TNRC6C: variants seen among roughly 807,000 people sequenced by gnomAD.
The protein encoded by TNRC6C is trinucleotide repeat-containing gene 6C protein.
TNRC6C carries 20 observed loss-of-function variants against 153.7 expected under a neutral mutation model. That is an observed-to-expected ratio of 0.13 (90% CI 0.09 to 0.19). TNRC6C has a LOEUF of 0.19. TNRC6C is among the 10% of genes least tolerant of loss of function. The pLI is 1.00. For synonymous variants in TNRC6C, 811 were observed against 841.4 expected, an observed-to-expected ratio of 0.96 and a Z score of 0.63; for missense variants, 1,987 against 2,172.0, an observed-to-expected ratio of 0.91 and a Z score of 1.69.
chr17:78,072,867 C>T (rs550249462), intron 6 of TNRC6C, among the ~76,000 whole-genome samples, 170 bp from the exon 9 acceptor site: 63 of 152,230 alleles, frequency 4.1e-4, no homozygotes, highest in African/African-American at 1.4e-3. Flanking sequence ...TTTCTTATTA[C>T]AAGTATTTTT....
At position 78,012,455 on chromosome 17, in the gene TNRC6C, C is replaced by CTGTGTAACAAACCTTCA. The variant is rs559948842; in HGVS notation, c.-546+7378_-546+7394dup. Among the ~76,000 whole-genome samples, 372 of 152,164 alleles carry CTGTGTAACAAACCTTCA rather than the reference C, an allele frequency of 2.4e-3. 3 individuals are homozygous for CTGTGTAACAAACCTTCA. The highest frequency in any genetic ancestry group is 4.2e-3 in the Non-Finnish European group (288 of 68,008). ...CAAGCCCCCCATGACATGAGTTTAC[C>CTGTGTAACAAACCTTCA]TGTGTAACAAACCTTCATATGTACC... is the stretch of plus-strand genomic sequence containing the variant. On this transcript the variant is annotated intron_variant, in intron 1 of 19. Transcript: ENST00000301624.
At position 78,045,939 on chromosome 17, in the gene TNRC6C, A is replaced by G. The variant is rs1195107776; in HGVS notation, c.-218-2906A>G. Among the ~76,000 whole-genome samples the G allele has an allele frequency of 3.3e-5, 5 of 151,994 alleles. No homozygotes were observed. The South Asian group carries it at 8.3e-4, about 25-fold the overall frequency. ...TCTCTATTTTAAAAATGTTATAGGT[A>G]TCATCCTCTAACCCCATTCTGGTCC... On this transcript the variant is annotated intron_variant, in intron 2 of 19. Transcript: ENST00000301624.
rs369803801 is a variant in TNRC6C at position 78,093,791 on chromosome 17, C to T, written c.4306+28C>T. 593 of 1,612,904 alleles carry T rather than the reference C, an allele frequency of 3.7e-4. 2 individuals carry two copies. The highest frequency in any genetic ancestry group is 1.4e-3 in the South Asian group (126 of 91,074). On this transcript the variant is annotated intron_variant, in intron 16 of 19. Coordinates refer to ENST00000301624, the Ensembl canonical transcript of TNRC6C. ...GAGGGTGCTGCTCTTCCTGCCTCTG[C>T]ATGGACGGTCTCTCTAGACCCATTT... is the stretch of plus-strand genomic sequence containing the variant.
At chr17:78,080,198 G>A (rs1315156173) in intron 10 of TNRC6C, among the ~76,000 whole-genome samples, 1 of 152,182 alleles carries the variant, frequency 6.6e-6, no homozygotes, top group Non-Finnish European at 1.5e-5. Flanking sequence ...TGTAATCCCA[G>A]CACTTTGGGA....
intron 1 of TNRC6C, among the ~76,000 whole-genome samples, chr17:77,967,349 A>G (rs1164072013): frequency 6.6e-6 from 1 of 152,212 alleles, no homozygotes; most frequent in Non-Finnish European, 1.5e-5. Context: ...TTTTGAAGAT[A>G]TTTAGATAAC....
At chr17:78,064,093 G>C (rs2072823192) in intron 3 of TNRC6C, among the ~76,000 whole-genome samples, 1 of 152,114 alleles carries the variant, frequency 6.6e-6, no homozygotes, top group South Asian at 2.1e-4. Context: ...GCCCAGGCTA[G>C]AGTGCAGTGG....
At chr17:77,976,834 C>T (rs910161841) in intron 1 of TNRC6C, among the ~76,000 whole-genome samples, 3 of 142,834 alleles carry the variant, frequency 2.1e-5, no homozygotes, top group African/African-American at 7.8e-5. Flanking sequence ...GAGGCTGAGG[C>T]AGGAGAATTG....
intron 1 of TNRC6C, among the ~76,000 whole-genome samples, chr17:77,971,450 A>G (rs2144062998): frequency 6.6e-6 from 1 of 152,280 alleles, no homozygotes; most frequent in Admixed American, 6.5e-5. Context: ...TGAAGACACC[A>G]ACCTAGACTG....
rs554426804 is a variant in TNRC6C, at chr17:78,092,737, A to AAAAT, written c.3971-176_3971-173dup. On this transcript the variant is annotated intron_variant, in intron 14 of 19. Transcript: ENST00000301624. ...CCACAGAGTGAGAAGTTGTCTCAAA[A>AAAAT]AAATAAATAAATAAATAAATAAAGT... Among the ~76,000 whole-genome samples the AAAAT allele has an allele frequency of 2.5e-3, 377 of 152,254 alleles. 3 individuals are homozygous for AAAAT. Among genetic ancestry groups the AAAAT allele is most frequent in the Non-Finnish European group, 4.5e-3 (305 of 68,016 alleles).
At chr17:78,083,628 A>G (rs2073221442) in intron 11 of TNRC6C, among the ~76,000 whole-genome samples, 1 of 152,300 alleles carries the variant, frequency 6.6e-6, no homozygotes, top group African/African-American at 2.4e-5. Flanking sequence ...TTGAGTGACT[A>G]TTTTCTCAGT....
intron 1 of TNRC6C, among the ~76,000 whole-genome samples, chr17:77,966,642 T>G (rs932984335): frequency 9.2e-5 from 14 of 152,244 alleles, no homozygotes; most frequent in African/African-American, 3.1e-4. Flanking sequence ...GATAGTAGTT[T>G]TAGGCGAGTT....
At chr17:78,036,975 T>C (rs2072192048) in intron 2 of TNRC6C, among the ~76,000 whole-genome samples, 1 of 152,096 alleles carries the variant, frequency 6.6e-6, no homozygotes. Flanking sequence ...CTGACAGTTA[T>C]TTATTTCATT....
chr17:78,012,121 T>C (rs975700723), intron 1 of TNRC6C: 1 of 152,230 alleles, frequency 6.6e-6, no homozygotes, highest in Non-Finnish European at 1.5e-5. Flanking sequence ...AATAGTAATA[T>C]CAGAAAATAT....
exon 20 of TNRC6C, chr17:78,107,521 T>C (rs1021234869): frequency 6.6e-6 from 1 of 152,272 alleles, no homozygotes; most frequent in African/African-American, 2.4e-5. Flanking sequence ...CACGCTGCGA[T>C]TGGGAGAGCT....
chr17:78,000,553 T>A (rs946483923), upstream of TNRC6C, among the ~76,000 whole-genome samples: 2 of 149,174 alleles, frequency 1.3e-5, no homozygotes, highest in Non-Finnish European at 3.0e-5. Flanking sequence ...AAATTCTAAT[T>A]GAATTAGTCA....
At chr17:77,983,235 T>C (rs371878905) in intron 1 of TNRC6C, among the ~76,000 whole-genome samples, 4 of 152,118 alleles carry the variant, frequency 2.6e-5, no homozygotes, top group Admixed American at 2.0e-4. Context: ...GGATTTGGAG[T>C]TCTTATTTTC....
At chr17:78,083,650 T>C (rs968625633) in intron 11 of TNRC6C, among the ~76,000 whole-genome samples, 2 of 152,238 alleles carry the variant, frequency 1.3e-5, no homozygotes, top group African/African-American at 4.8e-5. Context: ...ATTCTAAGGA[T>C]GGTATACATA....
At chr17:78,096,478 G>T (rs1300631505) in intron 16 of TNRC6C, among the ~76,000 whole-genome samples, 1 of 152,236 alleles carries the variant, frequency 6.6e-6, no homozygotes, top group Non-Finnish European at 1.5e-5. Context: ...ACTTGCCTCA[G>T]CTCTGGTGCC....
At chr17:78,017,862 A>G (rs933875934) in intron 1 of TNRC6C, among the ~76,000 whole-genome samples, 18 of 152,210 alleles carry the variant, frequency 1.2e-4, no homozygotes, top group Admixed American at 9.8e-4. Context: ...CGAGGTGCGC[A>G]CACATACACA....
Sources: allele counts gnomAD v4.1 joint callset (sites outside exome capture counted in the v4.1 genomes callset), GRCh38; gene constraint gnomAD v4.1.1; transcripts MANE v1.5; gene names NCBI Gene and HGNC (gene_info 2026-07-23, HGNC 2026-07-21).